Variants in THSD4 observed in about 807,000 individuals in gnomAD.
THSD4 encodes the protein thrombospondin type 1 domain containing 4.
THSD4 carries 69 observed loss-of-function variants against 119.0 expected under a neutral mutation model. The ratio of observed to expected loss-of-function variants is 0.58; its 90% CI spans 0.48 to 0.71. The LOEUF is 0.71. Ranked by LOEUF, THSD4 falls within the 30% of genes least tolerant of loss-of-function variation. The pLI, the probability that THSD4 is intolerant of heterozygous loss-of-function variation, is 0.00. For synonymous variants in THSD4, 524 were observed against 540.4 expected (o/e 0.97, Z 0.42); for missense variants, 1,393 against 1,391.1 (o/e 1.00, Z -0.02).
chr15:71,773,200 C>CAAAAAAAAA (rs5813665), intron 17 of THSD4, among the ~76,000 whole-genome samples: 19 of 53,952 alleles, frequency 3.5e-4, no homozygotes, highest in African/African-American at 8.2e-4. Flanking sequence ...GACCATGTCT[C>CAAAAAAAAA]AAAAAAAAAA....
intron 8 of THSD4, among the ~76,000 whole-genome samples, chr15:71,696,606 A>G (rs2052170046): frequency 6.6e-6 from 1 of 152,254 alleles, no homozygotes; most frequent in Non-Finnish European, 1.5e-5. Flanking sequence ...GGTGGCAGCC[A>G]GATGCCCATA....
intron 7 of THSD4, among the ~76,000 whole-genome samples, chr15:71,641,342 G>A (rs944695267): frequency 1.3e-5 from 2 of 151,490 alleles, no homozygotes; most frequent in Non-Finnish European, 2.9e-5. Flanking sequence ...TCCAAGTGAC[G>A]AAGTTTCCAA....
rs567131418 is a variant in THSD4 at position 71,703,429 on chromosome 15, A to G, written c.1358-25120A>G. 1.1e-4 allele frequency among the ~76,000 whole-genome samples: 16 copies of G among 152,336 alleles called. No individual in the cohort carries two copies. The South Asian group carries it at 3.3e-3, about 32-fold the overall frequency. ...AAGGGAGATTTAACATATTTCCATT[A>G]GCTTATGTCATTTGCTCAGCTGTCC... On this transcript the variant is annotated intron_variant, in intron 8 of 17. Coordinates refer to ENST00000261862, the MANE Select transcript of THSD4 (RefSeq NM_024817.3).
At chr15:71,426,230 G>A (rs1039543192) in intron 7 of THSD4, among the ~76,000 whole-genome samples, 4 of 152,170 alleles carry the variant, frequency 2.6e-5, no homozygotes, top group Non-Finnish European at 5.9e-5. Flanking sequence ...GGGACACATT[G>A]GCAGACAGTT....
chr15:71,365,929 A>G (rs971624555), intron 6 of THSD4, among the ~76,000 whole-genome samples: 1 of 152,168 alleles, frequency 6.6e-6, no homozygotes, highest in African/African-American at 2.4e-5. Flanking sequence ...TAGCCTGTGT[A>G]GTGATCAAAA....
chr15:71,366,236 G>T (rs1205922576), intron 6 of THSD4, among the ~76,000 whole-genome samples: 1 of 152,070 alleles, frequency 6.6e-6, no homozygotes, highest in Non-Finnish European at 1.5e-5. Flanking sequence ...TCCATGCCCG[G>T]CTAATTTTTT....
intron 7 of THSD4, among the ~76,000 whole-genome samples, chr15:71,553,165 G>T (rs952999836): frequency 6.6e-6 from 1 of 152,162 alleles, no homozygotes; most frequent in African/African-American, 2.4e-5. Flanking sequence ...ATGTGCATAT[G>T]TGTATGTGTA....
intron 4 of THSD4, among the ~76,000 whole-genome samples, chr15:71,235,474 T>C (rs1009217812): frequency 2.6e-5 from 4 of 152,132 alleles, no homozygotes; most frequent in Non-Finnish European, 4.4e-5. Flanking sequence ...CAACAATAAA[T>C]AGGCTTTCAT....
chr15:71,549,986 C>A (rs1028771797), intron 7 of THSD4, among the ~76,000 whole-genome samples: 1 of 152,226 alleles, frequency 6.6e-6, no homozygotes, highest in Non-Finnish European at 1.5e-5. Context: ...GGTGTCAGTG[C>A]ATGGGTTGGA....
intron 17 of THSD4, 54 bp downstream of exon 17, chr15:71,771,262 G>T: frequency 1.9e-6 from 3 of 1,600,588 alleles, no homozygotes; most frequent in Non-Finnish European, 2.6e-6. Flanking sequence ...AAGCTTGTCA[G>T]ATTCTCCGGT....
At chr15:71,165,261 A>G (rs2043284689) in intron 3 of THSD4, 2 of 1,568,306 alleles carry the variant, frequency 1.3e-6, no homozygotes, top group Non-Finnish European at 1.8e-6. Flanking sequence ...TCTTTAGCAG[A>G]AATGGTCTTC....
chr15:71,349,342 C>A (rs1363856671), intron 6 of THSD4, among the ~76,000 whole-genome samples: 1 of 152,168 alleles, frequency 6.6e-6, no homozygotes, highest in Non-Finnish European at 1.5e-5. Context: ...TTAATTACTT[C>A]TTTGCTTAAT....
chr15:71,125,878 C>T (rs150921487), intron 1 of THSD4, among the ~76,000 whole-genome samples: 1 of 152,302 alleles, frequency 6.6e-6, no homozygotes, highest in Non-Finnish European at 1.5e-5. Flanking sequence ...CTTAAGTAGA[C>T]GTGTGTTTGT....
intron 8 of THSD4, among the ~76,000 whole-genome samples, chr15:71,721,866 C>T (rs1009541982): frequency 6.6e-6 from 1 of 150,712 alleles, no homozygotes; most frequent in African/African-American, 2.4e-5. Flanking sequence ...AATCCCAGCA[C>T]TTGGGGAGGC....
intron 7 of THSD4, among the ~76,000 whole-genome samples, chr15:71,418,715 T>A (rs1224827500): frequency 9.1e-6 from 1 of 109,464 alleles, no homozygotes; most frequent in Admixed American, 1.2e-4. Context: ...CCTCCTCCTT[T>A]ATTTTTTTAG....
rs189622380 is a variant in THSD4, at chr15:71,360,491, C to T, written c.1016-51196C>T. On this transcript the variant is annotated intron_variant, in intron 6 of 17. Transcript: ENST00000261862. ...GGTGGCCATCTTTATAGGATAAAGA[C>T]CCATAAATATTTTTGCTTAAAAAAA... is the stretch of plus-strand genomic sequence containing the variant. Among the ~76,000 whole-genome samples, 171 of 152,242 alleles carry T rather than the reference C, an allele frequency of 1.1e-3. 1 individual carries two copies. The highest frequency in any genetic ancestry group is 3.3e-3 in the Admixed American group (51 of 15,288).
intron 4 of THSD4, among the ~76,000 whole-genome samples, chr15:71,234,796 T>C (rs1184271440): frequency 6.6e-6 from 1 of 152,230 alleles, no homozygotes; most frequent in African/African-American, 2.4e-5. Context: ...TCTCTGGCGC[T>C]ATCATCCTCA....
chr15:71,122,270 C>A (rs2040415081), intron 1 of THSD4, among the ~76,000 whole-genome samples: 2 of 152,224 alleles, frequency 1.3e-5, no homozygotes, highest in South Asian at 4.1e-4. Context: ...CTCTCAACAA[C>A]CTGTGTGAAC....
At chr15:71,318,887 G>T (rs2045227426) in intron 6 of THSD4, among the ~76,000 whole-genome samples, 1 of 152,174 alleles carries the variant, frequency 6.6e-6, no homozygotes, top group Non-Finnish European at 1.5e-5. Context: ...GAGAGCGGGA[G>T]CCCTGGCCCT....
Sources: gnomAD v4.1 joint callset for allele counts (sites outside exome capture counted in the v4.1 genomes callset) on GRCh38, gnomAD v4.1.1 for gene constraint, MANE v1.5 for transcripts, NCBI Gene and HGNC (gene_info 2026-07-23, HGNC 2026-07-21) for gene names.